The following CD80 variants were observed in gnomAD, a reference collection of about 807,000 sequenced individuals.
CD80 encodes the protein T-lymphocyte activation antigen CD80.
A neutral mutation model predicts 27.1 loss-of-function variants in CD80; 13 were observed. The ratio of observed to expected loss-of-function variants is 0.48; its 90% confidence interval spans 0.31 to 0.76. CD80 has a LOEUF of 0.76. Among genes scored for constraint, CD80 ranks in the 30% least tolerant of loss-of-function variants. The pLI is 0.04. For synonymous variants in CD80, 125 were observed against 125.5 expected, an observed-to-expected ratio of 1.00 and a Z score of 0.03; for missense variants, 277 against 347.9, an observed-to-expected ratio of 0.80 and a Z score of 1.62.
intron 2 of CD80, among the ~76,000 whole-genome samples, chr3:119,555,263 C>T (rs983538635): frequency 4.6e-5 from 7 of 152,188 alleles, no homozygotes. Context: ...ACATCATTAC[C>T]ACCCCAAATC....
intron 4 of CD80, among the ~76,000 whole-genome samples, chr3:119,536,112 G>T (rs183467529): frequency 6.6e-6 from 1 of 151,998 alleles, no homozygotes; most frequent in Non-Finnish European, 1.5e-5. Flanking sequence ...TTAGCCGAGG[G>T]TGGTGGCTGG....
At chr3:119,531,016 C>G (rs1270688931) in intron 4 of CD80, among the ~76,000 whole-genome samples, 2 of 152,228 alleles carry the variant, frequency 1.3e-5, no homozygotes. Context: ...TTATCTGTGC[C>G]TAGATTATGA....
chr3:119,542,701 A>G (rs1319442773), intron 3 of CD80, among the ~76,000 whole-genome samples: 1 of 152,208 alleles, frequency 6.6e-6, no homozygotes, highest in Non-Finnish European at 1.5e-5. Flanking sequence ...GTGTAGGCTG[A>G]ACTAACTTTG....
At position 119,544,688 on chromosome 3, in the gene CD80, C is replaced by T; in HGVS notation, c.280G>A (p.Asp94Asn). Residue 94 changes from aspartate to asparagine, a missense_variant, in exon 3 of 7, where the codon GAT becomes AAT. Asp to Asn is a conservative substitution (Grantham distance 23). Coordinates refer to ENST00000264246, the MANE Select transcript of CD80 (RefSeq NM_005191.4). ...WPEYKNRTIF[D>N]ITNNLSIVIL... The stretch of plus-strand genomic sequence containing the variant: ...ACAATGGAGAGGTTATTAGTGATAT[C>T]AAAGATGGTCCGGTTCTTGTACTCG... The T allele has an allele frequency of 6.2e-7, 1 of 1,614,166 alleles. No individual in the cohort carries two copies.
chr3:119,554,201 G>A (rs2082250715), intron 2 of CD80, among the ~76,000 whole-genome samples: 1 of 152,218 alleles, frequency 6.6e-6, no homozygotes, highest in Non-Finnish European at 1.5e-5. Context: ...CACTGCTCAT[G>A]GGACCCCTGG....
chr3:119,526,164 G>T (rs2082065317), intron 6 of CD80, among the ~76,000 whole-genome samples: 1 of 152,088 alleles, frequency 6.6e-6, no homozygotes, highest in Admixed American at 6.6e-5. Context: ...CTCAGGCATG[G>T]TTGCTTTTCT....
chr3:119,546,984 CCTT>C (rs1288670473), intron 2 of CD80, among the ~76,000 whole-genome samples: 1 of 152,158 alleles, frequency 6.6e-6, no homozygotes, highest in Non-Finnish European at 1.5e-5. Flanking sequence ...AGGAATAAAA[CCTT>C]CATCTGTCAC....
Position 119,524,908 on chromosome 3 carries a change from G to A in CD80, c.*880C>T, listed in dbSNP as rs1209746462. 6.6e-6 allele frequency: 1 copy of A among 152,166 alleles called. No individual in the cohort carries two copies. Among genetic ancestry groups the A allele is most frequent in the Non-Finnish European group, 1.5e-5 (1 of 68,034 alleles). 9.4% of individuals were successfully genotyped at this position (152,166 alleles called of 1,614,324 possible). A position where few individuals can be genotyped will look rare whatever the true frequency, so the allele number is the denominator to read the frequency against. Reference sequence around the variant, plus strand: ...ACATTTGAAGATAGCTTACTGCTTAGTACATACACTGTAAACAACGATCTC... The same window carrying A: ...ACATTTGAAGATAGCTTACTGCTTAATACATACACTGTAAACAACGATCTC... On this transcript the variant is annotated 3_prime_UTR_variant, in exon 7 of 7. Coordinates refer to ENST00000264246, the MANE Select transcript of CD80 (RefSeq NM_005191.4).
intron 2 of CD80, among the ~76,000 whole-genome samples, chr3:119,557,290 A>G (rs1239231396): frequency 6.6e-6 from 1 of 152,234 alleles, no homozygotes; most frequent in Non-Finnish European, 1.5e-5. Context: ...CTCCGAGGCC[A>G]GTATCGGCAC....
intron 2 of CD80, among the ~76,000 whole-genome samples, chr3:119,555,480 T>C (rs1412488617): frequency 6.6e-6 from 1 of 152,190 alleles, no homozygotes. Flanking sequence ...ACCACGCCAC[T>C]CTCCTGGGTA....
Position 119,544,701 on chromosome 3 carries a change from G to A in CD80, c.267C>T (p.Asn89=). ...TATTAGTGATATCAAAGATGGTCCG[G>A]TTCTTGTACTCGGGCCATATATTCA... ...GDMNIWPEYK[N]RTIFDITNNL... The change falls in exon 3 of 7, where the codon AAC becomes AAT. Residue 89 remains asparagine (N), a synonymous_variant. Coordinates refer to ENST00000264246, the MANE Select transcript of CD80 (RefSeq NM_005191.4). 4 of 1,614,144 alleles carry A rather than the reference G, an allele frequency of 2.5e-6. No homozygotes were observed. Among genetic ancestry groups the A allele is most frequent in the Non-Finnish European group, 3.4e-6 (4 of 1,180,026 alleles).
chr3:119,546,909 T>G (rs1037022979), intron 2 of CD80, among the ~76,000 whole-genome samples: 2 of 152,078 alleles, frequency 1.3e-5, no homozygotes, highest in Admixed American at 1.3e-4. Flanking sequence ...AATCTAAGAA[T>G]AAATTTTATC....
intron 2 of CD80, among the ~76,000 whole-genome samples, chr3:119,552,885 A>T (rs147381261): frequency 8.1e-4 from 123 of 152,196 alleles, no homozygotes; most frequent in African/African-American, 2.2e-3. Flanking sequence ...AAGGAAGAGA[A>T]AAGAAATGTC....
intron 2 of CD80, among the ~76,000 whole-genome samples, chr3:119,553,472 T>A (rs1310955122): frequency 6.6e-6 from 1 of 152,172 alleles, no homozygotes; most frequent in East Asian, 1.9e-4. Context: ...GAATTTTATG[T>A]CATTGCAAAT....
intron 4 of CD80, among the ~76,000 whole-genome samples, chr3:119,535,533 A>G (rs2107741514): frequency 6.6e-6 from 1 of 152,310 alleles, no homozygotes; most frequent in East Asian, 1.9e-4. Context: ...AAGCCATCTT[A>G]AGCCATTATA....
At chr3:119,549,748 T>C (rs1432733098) in intron 2 of CD80, among the ~76,000 whole-genome samples, 1 of 152,204 alleles carries the variant, frequency 6.6e-6, no homozygotes, top group Non-Finnish European at 1.5e-5. Flanking sequence ...CTTCAGCAAT[T>C]GTGTGGAATG....
At chr3:119,533,865 C>T (rs2082122509) in intron 4 of CD80, among the ~76,000 whole-genome samples, 1 of 152,178 alleles carries the variant, frequency 6.6e-6, no homozygotes, top group South Asian at 2.1e-4. Context: ...ATGTACTATA[C>T]ACTTAATGTA....
chr3:119,549,947 T>TG (rs1300042708), intron 2 of CD80, among the ~76,000 whole-genome samples: 4 of 152,214 alleles, frequency 2.6e-5, no homozygotes, highest in African/African-American at 9.7e-5. Flanking sequence ...TCCATTGACT[T>TG]GGATTCTAGT....
At chr3:119,533,494 AC>A (rs1258484771) in intron 4 of CD80, among the ~76,000 whole-genome samples, 1 of 150,824 alleles carries the variant, frequency 6.6e-6, no homozygotes, top group Non-Finnish European at 1.5e-5. Flanking sequence ...TATAACTCCC[AC>A]AGTTGCCACA....
Sources: gnomAD v4.1 joint callset for allele counts (sites outside exome capture counted in the v4.1 genomes callset) on GRCh38, gnomAD v4.1.1 for gene constraint, MANE v1.5 for transcripts, NCBI Gene and HGNC (gene_info 2026-07-23, HGNC 2026-07-21) for gene names.